GREB1L: variants seen among roughly 807,000 people sequenced by gnomAD.
GREB1L encodes GREB1-like protein.
Under a neutral mutation model 200.8 loss-of-function variants are expected in GREB1L, and 17 were observed. That is an observed-to-expected ratio of 0.08 (90% CI 0.06 to 0.13). The LOEUF is 0.13. GREB1L is among the 10% of genes least tolerant of loss of function. The pLI, the probability that GREB1L is intolerant of heterozygous loss-of-function variation, is 1.00. For synonymous variants in GREB1L, 789 were observed against 893.0 expected, an observed-to-expected ratio of 0.88 and a Z score of 2.08; for missense variants, 1,657 against 2,367.7, an observed-to-expected ratio of 0.70 and a Z score of 6.23.
chr18:21,382,850 G>T (rs1435013854), intron 2 of GREB1L, among the ~76,000 whole-genome samples: 3 of 152,128 alleles, frequency 2.0e-5, no homozygotes, highest in African/African-American at 7.2e-5. Context: ...GTGATGAGAA[G>T]TAAAGGTCAT....
intron 2 of GREB1L, among the ~76,000 whole-genome samples, chr18:21,371,830 C>T (rs1024102219): frequency 6.6e-6 from 1 of 150,536 alleles, no homozygotes; most frequent in Non-Finnish European, 1.5e-5. Context: ...ACATTTTCTG[C>T]ACTTTTTTTC....
Position 21,384,194 on chromosome 18 carries a change from T to G in GREB1L, c.158-12T>G, listed in dbSNP as rs760023259. 6.6e-7 allele frequency: 1 copy of G among 1,512,990 alleles called. No individual in the cohort carries two copies. Among genetic ancestry groups the G allele is most frequent in the South Asian group, 1.2e-5 (1 of 82,356 alleles). The allele number at this position is 1,512,990 out of a possible 1,614,324, so 93.7% of individuals were successfully genotyped here. A position where few individuals can be genotyped will look rare whatever the true frequency, so the allele number is the denominator to read the frequency against. Reference sequence around the variant, plus strand: ...TTTTATTAAATCTGCTGTGATTTATTTGCTTACCCAGATGTCAAACCCAAG... The same window carrying G: ...TTTTATTAAATCTGCTGTGATTTATGTGCTTACCCAGATGTCAAACCCAAG... On this transcript the variant is annotated splice_polypyrimidine_tract_variant and intron_variant, in intron 3 of 32. Coordinates refer to ENST00000424526, the MANE Select transcript of GREB1L (RefSeq NM_001142966.3).
chr18:21,488,282 C>T (rs1428004077), intron 18 of GREB1L, among the ~76,000 whole-genome samples: 5 of 152,204 alleles, frequency 3.3e-5, no homozygotes, highest in Admixed American at 1.3e-4. Flanking sequence ...GGTGACAGAG[C>T]GGGACTCTGT....
intron 18 of GREB1L, among the ~76,000 whole-genome samples, chr18:21,487,993 A>C (rs966906796): frequency 6.6e-6 from 1 of 150,908 alleles, no homozygotes; most frequent in Non-Finnish European, 1.5e-5. Flanking sequence ...TCCGAGCGAC[A>C]GAGTGAGACT....
intron 1 of GREB1L, among the ~76,000 whole-genome samples, chr18:21,311,318 G>A (rs946144213): frequency 6.6e-6 from 1 of 152,204 alleles, no homozygotes; most frequent in Admixed American, 6.5e-5. Context: ...GAGATATTCT[G>A]ACAGTGGTGT....
chr18:21,308,035 T>C (rs2038730375), intron 1 of GREB1L, among the ~76,000 whole-genome samples: 1 of 152,238 alleles, frequency 6.6e-6, no homozygotes, highest in Non-Finnish European at 1.5e-5. Flanking sequence ...CAAGTTATGC[T>C]AATTTGGATG....
intron 27 of GREB1L, 76 bp from the exon 28 acceptor site, chr18:21,513,745 T>C (rs2037321716): frequency 2.9e-6 from 4 of 1,356,058 alleles, no homozygotes; most frequent in East Asian, 2.5e-5. Context: ...GGAGAGAATA[T>C]AGCTGCCTGT....
Position 21,490,081 on chromosome 18 carries a change from G to C in GREB1L, c.2760G>C (p.Met920Ile). ...LLIQQYSEAL[M>I]ALTTMASLRD... ...TCCAGCAGTACTCTGAGGCCCTGAT[G>C]GCTCTCACCACCATGGCGTCACTCC... is the stretch of plus-strand genomic sequence containing the variant. The change falls in exon 19 of 33, where the codon ATG (methionine) becomes ATC (isoleucine). Residue 920 changes from methionine to isoleucine, a missense_variant. This residue lies in a region of GREB1L where 82 missense variants were observed against 95.9 expected (regional missense o/e 0.85). Coordinates refer to ENST00000424526, the MANE Select transcript of GREB1L (RefSeq NM_001142966.3). 1 of 1,551,912 alleles carries C rather than the reference G, an allele frequency of 6.4e-7. No individual in the cohort carries two copies. Among genetic ancestry groups the C allele is most frequent in the Non-Finnish European group, 8.7e-7 (1 of 1,147,050 alleles).
At chr18:21,351,406 C>T (rs1003549831) in intron 1 of GREB1L, among the ~76,000 whole-genome samples, 1 of 152,126 alleles carries the variant, frequency 6.6e-6, no homozygotes, top group African/African-American at 2.4e-5. Flanking sequence ...AACCCCGTCT[C>T]TACTAGAAAT....
chr18:21,330,324 A>T (rs765566488), intron 1 of GREB1L, among the ~76,000 whole-genome samples: 3 of 152,230 alleles, frequency 2.0e-5, no homozygotes, highest in African/African-American at 7.2e-5. Flanking sequence ...ATTCAAGGTC[A>T]CTGTGGTACA....
At chr18:21,370,346 A>G (rs780464554) in intron 2 of GREB1L, among the ~76,000 whole-genome samples, 2 of 152,230 alleles carry the variant, frequency 1.3e-5, no homozygotes, top group Non-Finnish European at 1.5e-5. Context: ...ACAAATATCA[A>G]TTTAAAAGAA....
intron 17 of GREB1L, among the ~76,000 whole-genome samples, chr18:21,480,998 T>C (rs1459987231): frequency 6.6e-6 from 1 of 150,980 alleles, no homozygotes; most frequent in Non-Finnish European, 1.5e-5. Flanking sequence ...CCAGCATGGG[T>C]GACAGATTAA....
chr18:21,360,805 A>G (rs1288390550), intron 1 of GREB1L, among the ~76,000 whole-genome samples: 3 of 152,232 alleles, frequency 2.0e-5, no homozygotes, highest in Non-Finnish European at 2.9e-5. Flanking sequence ...GAACATAATT[A>G]TGAAATAGGT....
intron 1 of GREB1L, among the ~76,000 whole-genome samples, chr18:21,279,757 C>G (rs1191944770): frequency 6.6e-6 from 1 of 152,186 alleles, no homozygotes; most frequent in South Asian, 2.1e-4. Context: ...GCAATCCTCC[C>G]ACCCCAGCCA....
intron 1 of GREB1L, among the ~76,000 whole-genome samples, chr18:21,281,326 A>G (rs1453749550): frequency 6.6e-6 from 1 of 152,078 alleles, no homozygotes; most frequent in Non-Finnish European, 1.5e-5. Context: ...AAGGTCAATT[A>G]TTGCCTGTCC....
intron 11 of GREB1L, among the ~76,000 whole-genome samples, chr18:21,447,308 A>T (rs1459733358): frequency 1.3e-5 from 2 of 152,072 alleles, no homozygotes; most frequent in Admixed American, 6.6e-5. Context: ...TTAAAAAAAA[A>T]ATTTTTTTAA....
At chr18:21,511,570 T>C (rs1463968003) in intron 27 of GREB1L, among the ~76,000 whole-genome samples, 1 of 152,180 alleles carries the variant, frequency 6.6e-6, no homozygotes, top group Non-Finnish European at 1.5e-5. Flanking sequence ...CTTTGATCCA[T>C]TTTGAGTTAA....
chr18:21,502,271 A>C (rs1269157265), intron 23 of GREB1L, among the ~76,000 whole-genome samples: 1 of 151,700 alleles, frequency 6.6e-6, no homozygotes, highest in Non-Finnish European at 1.5e-5. Flanking sequence ...AAAAAGAAGA[A>C]GAAGAATAGT....
chr18:21,352,910 G>A (rs1485177028), intron 1 of GREB1L, among the ~76,000 whole-genome samples: 8 of 151,540 alleles, frequency 5.3e-5, no homozygotes, highest in African/African-American at 9.7e-5. Flanking sequence ...GTCTGAGCAC[G>A]ATGGCTCACG....
Sources: allele counts gnomAD v4.1 joint callset (sites outside exome capture counted in the v4.1 genomes callset), GRCh38; gene constraint gnomAD v4.1.1; regional missense constraint gnomAD v4.1.1; transcripts MANE v1.5; gene names NCBI Gene and HGNC (gene_info 2026-07-23, HGNC 2026-07-21).